Variants in SYNE1 observed in about 807,000 individuals in gnomAD.
SYNE1 encodes the protein nesprin-1.
SYNE1 carries 616 observed loss-of-function variants against 1,111.0 expected under a neutral mutation model. That is an observed-to-expected ratio of 0.55 (90% CI 0.52 to 0.59). The LOEUF (loss-of-function observed/expected upper bound fraction) is 0.59, where lower values mean the gene tolerates loss of function less well. SYNE1 is among the 20% of genes least tolerant of loss of function. The pLI, the probability that SYNE1 is intolerant of heterozygous loss-of-function variation, is 0.00. For missense variants in SYNE1, 10,006 were observed against 10,417.0 expected, an observed-to-expected ratio of 0.96 and a Z score of 1.72; for synonymous variants, 3,855 against 3,825.8, an observed-to-expected ratio of 1.01 and a Z score of -0.28.
chr6:152,224,068 G>A (rs2080883181), intron 117 of SYNE1, among the ~76,000 whole-genome samples: 1 of 152,318 alleles, frequency 6.6e-6, no homozygotes, highest in South Asian at 2.1e-4. Flanking sequence ...TTTACTGAAT[G>A]GAAGCAACTG....
intron 86 of SYNE1, among the ~76,000 whole-genome samples, chr6:152,317,347 C>T (rs75556600): frequency 0.037 from 5,611 of 151,540 alleles, 340 homozygotes; most frequent in African/African-American, 0.13. Flanking sequence ...CAGCCTCCCA[C>T]GTAGCTGGGA....
intron 3 of SYNE1, among the ~76,000 whole-genome samples, chr6:152,570,744 A>G (rs2099448915): frequency 6.6e-6 from 1 of 152,176 alleles, no homozygotes; most frequent in Admixed American, 6.5e-5. Context: ...CCTTCTACAA[A>G]TTAATAAAGG....
At chr6:152,480,737 C>T (rs548421501) in intron 14 of SYNE1, 120 of 456,190 alleles carry the variant, frequency 2.6e-4, no homozygotes, top group Admixed American at 6.6e-4. Context: ...GAGCCCCTGT[C>T]GCTGCTTTTT....
intron 3 of SYNE1, among the ~76,000 whole-genome samples, chr6:152,553,152 A>T (rs1193110841): frequency 6.6e-6 from 1 of 152,204 alleles, no homozygotes; most frequent in Non-Finnish European, 1.5e-5. Context: ...TTACATGTAA[A>T]GAGACTGGAG....
chr6:152,449,263 C>T (rs2098626398), intron 28 of SYNE1, among the ~76,000 whole-genome samples: 1 of 152,120 alleles, frequency 6.6e-6, no homozygotes, highest in African/African-American at 2.4e-5. Context: ...GGTTATACGC[C>T]CATGCATGCA....
chr6:152,410,371 T>C (rs1247147078), intron 42 of SYNE1: 1 of 151,426 alleles, frequency 6.6e-6, no homozygotes, highest in Non-Finnish European at 1.5e-5. Context: ...GGAGACCCTC[T>C]GGGAATATTG....
chr6:152,619,328 A>G (rs2099669899), intron 3 of SYNE1, among the ~76,000 whole-genome samples: 1 of 152,150 alleles, frequency 6.6e-6, no homozygotes, highest in South Asian at 2.1e-4. Flanking sequence ...CTGATCCAAC[A>G]TAAACAGGGT....
At chr6:152,196,249 G>A (rs1189093281) in intron 127 of SYNE1, among the ~76,000 whole-genome samples, 1 of 152,126 alleles carries the variant, frequency 6.6e-6, no homozygotes, top group African/African-American at 2.4e-5. Flanking sequence ...AGTACCCCTG[G>A]AGCCTCTTTG....
At chr6:152,466,849 T>C (rs2098772362) in intron 16 of SYNE1, among the ~76,000 whole-genome samples, 1 of 152,136 alleles carries the variant, frequency 6.6e-6, no homozygotes, top group African/African-American at 2.4e-5. Flanking sequence ...CACCAAAGGC[T>C]CTTTAATTTC....
intron 72 of SYNE1, 59 bp from the exon 73 acceptor site, chr6:152,347,294 T>C (rs2096654224): frequency 3.2e-6 from 5 of 1,584,098 alleles, no homozygotes; most frequent in East Asian, 2.2e-5. Flanking sequence ...AACTTATCCA[T>C]CAAAGTTTAA....
At chr6:152,353,164 G>T in intron 69 of SYNE1, 99 bp downstream of exon 69, 2 of 1,464,726 alleles carry the variant, frequency 1.4e-6, no homozygotes, top group Non-Finnish European at 1.9e-6. Flanking sequence ...CAATCATAAT[G>T]GTTGGGATGA....
chr6:152,126,437 G>T (rs2053475820), intron 145 of SYNE1: 1 of 152,124 alleles, frequency 6.6e-6, no homozygotes, highest in African/African-American at 2.4e-5. Flanking sequence ...AAGAACAAAG[G>T]CAACTTGTTG....
intron 46 of SYNE1, 53 bp downstream of exon 46, chr6:152,404,160 T>C (rs962091732): frequency 1.2e-5 from 14 of 1,192,664 alleles, no homozygotes; most frequent in Admixed American, 1.7e-5. Context: ...GTCTAGTATA[T>C]GGTAGTAATT....
At chr6:152,392,673 A>G (rs189974036) in intron 51 of SYNE1, among the ~76,000 whole-genome samples, 7 of 152,166 alleles carry the variant, frequency 4.6e-5, no homozygotes, top group South Asian at 2.1e-4. Context: ...CATCCTGCAC[A>G]TGTGCCCTGG....
At chr6:152,436,969 T>C (rs2098479416) in intron 32 of SYNE1, among the ~76,000 whole-genome samples, 1 of 151,492 alleles carries the variant, frequency 6.6e-6, no homozygotes, top group African/African-American at 2.4e-5. Context: ...AGTTTGAGAC[T>C]AGCCTTGGCA....
chr6:152,608,467 T>G (rs907166076), intron 3 of SYNE1, among the ~76,000 whole-genome samples: 1 of 152,198 alleles, frequency 6.6e-6, no homozygotes, highest in African/African-American at 2.4e-5. Context: ...AGAAGAGAGC[T>G]AAAAAGGCCA....
intron 5 of SYNE1, among the ~76,000 whole-genome samples, chr6:152,522,078 A>ATT (rs34971597): frequency 6.6e-6 from 1 of 151,444 alleles, no homozygotes; most frequent in South Asian, 2.1e-4. Context: ...TTCCTGTTCC[A>ATT]TTTTTTTTAA....
At chr6:152,496,307 T>A (rs1363690312) in intron 11 of SYNE1, among the ~76,000 whole-genome samples, 2 of 152,122 alleles carry the variant, frequency 1.3e-5, no homozygotes, top group Admixed American at 6.5e-5. Context: ...TTTACCCAAA[T>A]CAATCTGGCC....
chr6:152,289,898 T>C (rs1385906847), intron 95 of SYNE1, among the ~76,000 whole-genome samples: 3 of 151,112 alleles, frequency 2.0e-5, no homozygotes, highest in Non-Finnish European at 4.4e-5. Flanking sequence ...AGTGCTGGGA[T>C]TACAGGCATG....
Sources: gnomAD v4.1 joint callset for allele counts (sites outside exome capture counted in the v4.1 genomes callset) on GRCh38, gnomAD v4.1.1 for gene constraint, MANE v1.5 for transcripts, NCBI Gene and HGNC (gene_info 2026-07-23, HGNC 2026-07-21) for gene names.